Variants in FGF18 observed in about 807,000 individuals in gnomAD.
The protein encoded by FGF18 is fibroblast growth factor 18.
A neutral mutation model predicts 23.0 loss-of-function variants in FGF18; 5 were observed. The ratio of observed to expected loss-of-function variants is 0.22; its 90% CI spans 0.11 to 0.46. The LOEUF is 0.46. Among genes scored for constraint, FGF18 ranks in the 20% least tolerant of loss-of-function variants. The probability of loss-of-function intolerance (pLI) is 0.99; values close to 1 mark genes in which losing one functional copy is unlikely to be tolerated. For synonymous variants in FGF18, 117 were observed against 118.9 expected, an observed-to-expected ratio of 0.98 and a Z score of 0.10; for missense variants, 180 against 291.6, an observed-to-expected ratio of 0.62 and a Z score of 2.79.
At chr5:171,443,697 G>A (rs1054145217) in intron 3 of FGF18, among the ~76,000 whole-genome samples, 1 of 151,972 alleles carries the variant, frequency 6.6e-6, no homozygotes, top group Non-Finnish European at 1.5e-5. Flanking sequence ...TTAAAGTGGG[G>A]AGAGACAACA....
Position 171,456,951 on chromosome 5 carries a change from A to G in FGF18, c.*146A>G. On this transcript the variant is annotated 3_prime_UTR_variant, in exon 5 of 5. Transcript: ENST00000274625. This position sits in a 1 kb window ranked among gnomAD's most constrained non-coding sequence, Gnocchi z 6.1. ...AAAAGAAGACAAAAACTGAACCAAA[A>G]CTCTTGGGGGGAGGGGTGATAAGGA... 9.8e-7 allele frequency: 1 copy of G among 1,020,686 alleles called. No homozygotes were observed. Among genetic ancestry groups the G allele is most frequent in the Non-Finnish European group, 1.4e-6 (1 of 722,330 alleles). 63.2% of individuals were successfully genotyped at this position (1,020,686 alleles called of 1,614,324 possible). A position where few individuals can be genotyped will look rare whatever the true frequency, so the allele number is the denominator to read the frequency against.
At position 171,440,596 on chromosome 5, in the gene FGF18, G is replaced by A. The variant is rs1772327211; in HGVS notation, c.250+4323G>A. On this transcript the variant is annotated intron_variant, in intron 3 of 4. Coordinates refer to ENST00000274625, the MANE Select transcript of FGF18 (RefSeq NM_003862.3). This position sits in a 1 kb window ranked among gnomAD's most constrained non-coding sequence, Gnocchi z 4.0. ...CCATTCCTTACTAGAGGCTGACTTT[G>A]AGTAGGAAGAACCTAGGCTGTGAAC... 6.6e-6 allele frequency among the ~76,000 whole-genome samples: 1 copy of A among 152,140 alleles called. No individual in the cohort carries two copies. Among genetic ancestry groups the A allele is most frequent in the Non-Finnish European group, 1.5e-5 (1 of 68,018 alleles).
At chr5:171,448,994 A>G (rs1772455283) in intron 3 of FGF18, among the ~76,000 whole-genome samples, 153 bp from the exon 4 acceptor site, 1 of 152,184 alleles carries the variant, frequency 6.6e-6, no homozygotes, top group African/African-American at 2.4e-5. Context: ...TTATTTAGGC[A>G]TCTGTCCTGT....
rs951585199 is a variant in FGF18 at position 171,451,525 on chromosome 5, C to T, written c.357+2272C>T. 2.0e-5 allele frequency among the ~76,000 whole-genome samples: 3 copies of T among 152,240 alleles called. No individual in the cohort carries two copies. Among genetic ancestry groups the T allele is most frequent in the African/African-American group, 4.8e-5 (2 of 41,470 alleles). The stretch of plus-strand genomic sequence containing the variant: ...TCTGGCCTCCTACCATCCCGGAAAT[C>T]GTTGCCCCAGCCGCCTGGCGTGTGG... On this transcript the variant is annotated intron_variant, in intron 4 of 4. Transcript: ENST00000274625. This position sits in a 1 kb window ranked among gnomAD's most constrained non-coding sequence, Gnocchi z 4.5.
chr5:171,429,520 C>G (rs1772146815), intron 2 of FGF18, among the ~76,000 whole-genome samples: 1 of 152,320 alleles, frequency 6.6e-6, no homozygotes, highest in South Asian at 2.1e-4. Flanking sequence ...TTATCGGGAA[C>G]CCCCACTGGA....
intron 3 of FGF18, among the ~76,000 whole-genome samples, chr5:171,439,779 GAGACTCTA>G (rs1772313261): frequency 6.6e-6 from 1 of 152,286 alleles, no homozygotes; most frequent in East Asian, 1.9e-4. Flanking sequence ...CACACGCAGG[GAGACTCTA>G]GCATCGGGGG....
At chr5:171,455,618 T>C (rs1482963671) in intron 4 of FGF18, among the ~76,000 whole-genome samples, 2 of 152,196 alleles carry the variant, frequency 1.3e-5, no homozygotes, top group Non-Finnish European at 2.9e-5. Context: ...GCTTCATCTG[T>C]GCTGGCTTCA....
chr5:171,438,910 C>T (rs1467997065), intron 3 of FGF18, among the ~76,000 whole-genome samples: 2 of 152,062 alleles, frequency 1.3e-5, no homozygotes, highest in Non-Finnish European at 2.9e-5. Context: ...GGAGGGGCTG[C>T]CAGAGCACCC....
intron 3 of FGF18, among the ~76,000 whole-genome samples, chr5:171,442,808 G>A (rs1490145024): frequency 2.0e-5 from 3 of 152,172 alleles, no homozygotes; most frequent in African/African-American, 4.8e-5. Flanking sequence ...CACCCTCTGG[G>A]AAACCCGGCT....
chr5:171,452,258 T>A (rs187762839), intron 4 of FGF18, among the ~76,000 whole-genome samples: 1 of 152,370 alleles, frequency 6.6e-6, no homozygotes, highest in Non-Finnish European at 1.5e-5. Context: ...CTTTCCCCTT[T>A]GGAGCCAGGT....
Position 171,456,405 on chromosome 5 carries a change from C to T in FGF18, c.358-134C>T. 1 of 818,788 alleles carries T rather than the reference C, an allele frequency of 1.2e-6. No individual in the cohort carries two copies. The highest frequency in any genetic ancestry group is 1.9e-6 in the Non-Finnish European group (1 of 524,434). The allele number at this position is 818,788 out of a possible 1,614,324, so 50.7% of individuals were successfully genotyped here. ...ATTCAGAGTTAAGCTCAATCTCTCTCCCCCACTGCAAAACTTCATTACAGT... is the reference window on the plus strand; with the variant it reads ...ATTCAGAGTTAAGCTCAATCTCTCTTCCCCACTGCAAAACTTCATTACAGT... On this transcript the variant is annotated intron_variant, in intron 4 of 4. Coordinates refer to ENST00000274625, the MANE Select transcript of FGF18 (RefSeq NM_003862.3). The surrounding 1 kb of genome is among the most constrained non-coding windows in gnomAD (Gnocchi z 6.1).
intron 2 of FGF18, among the ~76,000 whole-genome samples, chr5:171,423,796 T>A (rs1484384910): frequency 6.7e-6 from 1 of 148,864 alleles, no homozygotes; most frequent in South Asian, 2.2e-4. Context: ...TTTTTTTTTT[T>A]TGTGCTCTGT....
Position 171,457,171 on chromosome 5 carries a change from A to C in FGF18, c.*366A>C, listed in dbSNP as rs1561893152. 5.6e-6 allele frequency: 1 copy of C among 179,116 alleles called. No homozygotes were observed. The highest frequency in any genetic ancestry group is 1.2e-5 in the Non-Finnish European group (1 of 86,308). 11.1% of individuals were successfully genotyped at this position (179,116 alleles called of 1,614,324 possible). ...AGGTTCTGAAAGGAAAAAAAAAAAA[A>C]ACAAAAAAAAAGAAAAACAAAGAGA... On this transcript the variant is annotated 3_prime_UTR_variant, in exon 5 of 5. Coordinates refer to ENST00000274625, the MANE Select transcript of FGF18 (RefSeq NM_003862.3).
chr5:171,449,327 C>T (rs1371873944), intron 4 of FGF18, 74 bp downstream of exon 4: 10 of 842,886 alleles, frequency 1.2e-5, no homozygotes, highest in Non-Finnish European at 1.1e-5. Context: ...ACAATGTGTC[C>T]AGGGCACTGT....
intron 4 of FGF18, among the ~76,000 whole-genome samples, chr5:171,454,806 T>A (rs1204588033): frequency 2.0e-5 from 3 of 152,192 alleles, no homozygotes; most frequent in Non-Finnish European, 4.4e-5. Flanking sequence ...AATTTGGAGA[T>A]GTTAGTTGGA....
chr5:171,447,405 A>C (rs560828565), intron 3 of FGF18, among the ~76,000 whole-genome samples: 243 of 152,350 alleles, frequency 1.6e-3, no homozygotes, highest in African/African-American at 5.2e-3. Flanking sequence ...GTTTGACTTA[A>C]GGGGAACAAG....
At chr5:171,441,459 C>A (rs1247212483) in intron 3 of FGF18, among the ~76,000 whole-genome samples, 2 of 152,186 alleles carry the variant, frequency 1.3e-5, no homozygotes, top group Non-Finnish European at 2.9e-5. Context: ...AACACCCAAG[C>A]ACTGTCCGTC....
intron 2 of FGF18, among the ~76,000 whole-genome samples, chr5:171,426,986 A>G (rs1223882808): frequency 6.6e-6 from 1 of 152,172 alleles, no homozygotes; most frequent in African/African-American, 2.4e-5. Flanking sequence ...ATACAGGCAG[A>G]TCACTTGAGG....
intron 3 of FGF18, among the ~76,000 whole-genome samples, chr5:171,447,286 C>G (rs1213510812): frequency 6.6e-6 from 1 of 152,186 alleles, no homozygotes; most frequent in Admixed American, 6.5e-5. Flanking sequence ...TCCCCCATAA[C>G]TCCTCACCCC....
Sources: gnomAD v4.1 joint callset for allele counts (sites outside exome capture counted in the v4.1 genomes callset) on GRCh38, gnomAD v4.1.1 for gene constraint, Gnocchi (gnomAD v3.1) non-coding constraint, MANE v1.5 for transcripts, NCBI Gene and HGNC (gene_info 2026-07-23, HGNC 2026-07-21) for gene names.